Variants in MITF observed in about 807,000 individuals in gnomAD.
MITF encodes the protein microphthalmia-associated transcription factor.
A neutral mutation model predicts 60.5 loss-of-function variants in MITF; 17 were observed. The observed-to-expected ratio is 0.28, with a 90% CI of 0.19 to 0.42. The LOEUF (loss-of-function observed/expected upper bound fraction) is 0.42, where lower values mean the gene tolerates loss of function less well. Ranked by LOEUF, MITF falls within the 10% of genes least tolerant of loss-of-function variation. MITF has a pLI of 1.00. For missense variants in MITF, 622 were observed against 683.5 expected, an observed-to-expected ratio of 0.91 and a Z score of 1.00; for synonymous variants, 260 against 248.5, an observed-to-expected ratio of 1.05 and a Z score of -0.43.
chr3:69,879,525 C>T (rs1353087087), intron 2 of MITF, 142 bp downstream of exon 2: 8 of 1,414,670 alleles, frequency 5.7e-6, no homozygotes, highest in Middle Eastern at 2.4e-4. Flanking sequence ...TTAATTCTTA[C>T]GTGGCTTTAT....
chr3:69,828,873 C>T (rs2063398616), intron 1 of MITF, among the ~76,000 whole-genome samples: 1 of 130,128 alleles, frequency 7.7e-6, no homozygotes, highest in Non-Finnish European at 1.8e-5. Flanking sequence ...GGAAGCAGAG[C>T]TTTATTTTTT....
intron 1 of MITF, among the ~76,000 whole-genome samples, chr3:69,802,683 CTTTTTT>C (rs34396439): frequency 1.5e-5 from 1 of 66,212 alleles, no homozygotes; most frequent in African/African-American, 6.6e-5. Context: ...AGTCCATATT[CTTTTTT>C]TTTTTTTTTT....
intron 5 of MITF, among the ~76,000 whole-genome samples, chr3:69,944,295 T>C (rs1357290107): frequency 1.3e-5 from 2 of 152,078 alleles, no homozygotes; most frequent in Non-Finnish European, 2.9e-5. Context: ...TAAGGTGTGC[T>C]TCCTGTTCTC....
intron 2 of MITF, among the ~76,000 whole-genome samples, chr3:69,921,256 G>A (rs535809929): frequency 6.6e-6 from 1 of 152,170 alleles, no homozygotes; most frequent in Non-Finnish European, 1.5e-5. Flanking sequence ...CTAAGCATTA[G>A]CCAACTTCTG....
intron 2 of MITF, among the ~76,000 whole-genome samples, chr3:69,912,581 C>T (rs975321939): frequency 3.3e-5 from 5 of 152,062 alleles, no homozygotes; most frequent in Admixed American, 6.6e-5. Flanking sequence ...GGAACTTTGC[C>T]TATGATTTCT....
At chr3:69,792,878 T>C (rs971490891) in intron 1 of MITF, among the ~76,000 whole-genome samples, 1 of 151,936 alleles carries the variant, frequency 6.6e-6, no homozygotes, top group East Asian at 1.9e-4. Flanking sequence ...TAATTACACA[T>C]ACATATTTTT....
chr3:69,822,463 A>G (rs1054674063), intron 1 of MITF, among the ~76,000 whole-genome samples: 2 of 152,182 alleles, frequency 1.3e-5, no homozygotes, highest in African/African-American at 2.4e-5. Context: ...CATTCCTGGC[A>G]CTGTCATAGG....
intron 2 of MITF, among the ~76,000 whole-genome samples, chr3:69,894,423 C>T (rs986001999): frequency 1.3e-5 from 2 of 152,302 alleles, no homozygotes; most frequent in South Asian, 2.1e-4. Flanking sequence ...CAGTGGCTCA[C>T]GCCTGTAACC....
rs771113831 is a variant in MITF, at chr3:69,959,397, C to T, written c.1156C>T (p.Arg386Trp). 14 of 1,613,872 alleles carry T rather than the reference C, an allele frequency of 8.7e-6. 1 individual carries two copies. The highest frequency in any genetic ancestry group is 5.5e-5 in the South Asian group (5 of 91,062). ...NRQKKLEHAN[R>W]HLLLRIQELE... ...ACAGAAGAAACTGGAGCACGCCAAC[C>T]GGCATTTGTTGCTCAGAATACAGGT... is the stretch of plus-strand genomic sequence containing the variant. Residue 386 changes from arginine to tryptophan, a missense_variant, in exon 9 of 10, where the codon CGG becomes TGG. Arg to Trp is a moderately radical substitution (Grantham distance 101). This residue lies in a region of MITF where 224 missense variants were observed against 209.5 expected (regional missense o/e 1.07). Transcript: ENST00000352241.
intron 1 of MITF, among the ~76,000 whole-genome samples, chr3:69,866,546 G>A (rs1369298638): frequency 1.3e-5 from 2 of 149,858 alleles, no homozygotes; most frequent in African/African-American, 2.5e-5. Flanking sequence ...ACTAATTTGG[G>A]GGTGGGGGTG....
At chr3:69,755,638 A>G (rs981225752) in intron 1 of MITF, among the ~76,000 whole-genome samples, 3 of 151,988 alleles carry the variant, frequency 2.0e-5, no homozygotes, top group Admixed American at 1.3e-4. Context: ...GGAAAAAAAA[A>G]GCAGAAAGGG....
At chr3:69,938,468 A>G in intron 3 of MITF, 1 of 1,474,768 alleles carries the variant, frequency 6.8e-7, no homozygotes, top group Non-Finnish European at 9.0e-7. Flanking sequence ...AATGTCTGGA[A>G]TATTATTTTT....
At chr3:69,768,101 A>C (rs1034564297) in intron 1 of MITF, among the ~76,000 whole-genome samples, 4 of 152,238 alleles carry the variant, frequency 2.6e-5, no homozygotes, top group Non-Finnish European at 2.9e-5. Context: ...CTCTGCCCAC[A>C]ATCAAGCAAA....
intron 2 of MITF, among the ~76,000 whole-genome samples, chr3:69,922,363 A>G (rs1343555038): frequency 6.6e-6 from 1 of 152,116 alleles, no homozygotes; most frequent in Non-Finnish European, 1.5e-5. Context: ...CTGGGACTAC[A>G]GGCATATGCC....
At chr3:69,776,986 A>G (rs2062483961) in intron 1 of MITF, among the ~76,000 whole-genome samples, 1 of 152,208 alleles carries the variant, frequency 6.6e-6, no homozygotes. Flanking sequence ...GAGTAATGTT[A>G]CTGTTGGTGT....
chr3:69,785,952 A>C (rs965355124), intron 1 of MITF, among the ~76,000 whole-genome samples: 1 of 152,228 alleles, frequency 6.6e-6, no homozygotes, highest in South Asian at 2.1e-4. Context: ...TTCAAAGGTC[A>C]CCTGGGTAAT....
chr3:69,759,098 G>C (rs1253410383), intron 1 of MITF, among the ~76,000 whole-genome samples: 1 of 152,186 alleles, frequency 6.6e-6, no homozygotes, highest in African/African-American at 2.4e-5. Context: ...AGCAAATACT[G>C]AATGATTACT....
chr3:69,756,608 T>G (rs1704158764), intron 1 of MITF, among the ~76,000 whole-genome samples: 1 of 152,204 alleles, frequency 6.6e-6, no homozygotes, highest in African/African-American at 2.4e-5. Flanking sequence ...TGTACACGTG[T>G]CTTTATGGTA....
chr3:69,820,453 A>G (rs2063250942), intron 1 of MITF, among the ~76,000 whole-genome samples: 1 of 131,578 alleles, frequency 7.6e-6, no homozygotes, highest in Non-Finnish European at 1.8e-5. Context: ...GTAGCAATGA[A>G]AACAAGAGTA....
Sources: allele counts gnomAD v4.1 joint callset (sites outside exome capture counted in the v4.1 genomes callset), GRCh38; gene constraint gnomAD v4.1.1; regional missense constraint gnomAD v4.1.1; transcripts MANE v1.5; gene names NCBI Gene and HGNC (gene_info 2026-07-23, HGNC 2026-07-21).